COL4A4: variants seen among roughly 807,000 people sequenced by gnomAD.
The protein encoded by COL4A4 is collagen type IV alpha 4 chain.
In COL4A4, 105 loss-of-function variants were observed where a neutral mutation model predicts 192.9. The ratio of observed to expected loss-of-function variants is 0.54; its 90% confidence interval spans 0.46 to 0.64. The LOEUF (loss-of-function observed/expected upper bound fraction) is 0.64. Ranked by LOEUF, COL4A4 falls within the 30% of genes least tolerant of loss-of-function variation. COL4A4 has a pLI of 0.00. For synonymous variants in COL4A4, 762 were observed against 769.9 expected (o/e 0.99, Z 0.17); for missense variants, 1,967 against 2,169.3 (o/e 0.91, Z 1.85).
chr2:227,136,248 A>T (rs1314828909), intron 4 of COL4A4, among the ~76,000 whole-genome samples: 1 of 152,148 alleles, frequency 6.6e-6, no homozygotes, highest in Non-Finnish European at 1.5e-5. Context: ...AGAAGCAGGT[A>T]AGCAGCTTGC....
At chr2:227,067,875 G>A (rs1346307345) in intron 25 of COL4A4, among the ~76,000 whole-genome samples, 4 of 144,574 alleles carry the variant, frequency 2.8e-5, no homozygotes, top group Non-Finnish European at 4.5e-5. Context: ...ATCAGAGCAG[G>A]ACTGAAAGAA....
chr2:227,054,466 C>T (rs1974864014), intron 31 of COL4A4, 128 bp downstream of exon 31: 3 of 1,019,956 alleles, frequency 2.9e-6, no homozygotes, highest in Non-Finnish European at 4.5e-6. Flanking sequence ...AAAACAAATA[C>T]CATAGAACTA....
chr2:227,043,907 A>G (rs1559483576), intron 35 of COL4A4, among the ~76,000 whole-genome samples: 2 of 152,148 alleles, frequency 1.3e-5, no homozygotes, highest in Non-Finnish European at 1.5e-5. Context: ...AATCCCCCCA[A>G]TTATCCCCTT....
At chr2:227,010,854 G>A (rs1963533875) in intron 45 of COL4A4, among the ~76,000 whole-genome samples, 1 of 152,164 alleles carries the variant, frequency 6.6e-6, no homozygotes, top group Admixed American at 6.5e-5. Context: ...ACGCTGGGAA[G>A]AAAAGAACAA....
chr2:227,154,244 T>G (rs60896354), intron 1 of COL4A4, among the ~76,000 whole-genome samples: 18,326 of 152,240 alleles, frequency 0.12, 2,932 homozygotes, highest in African/African-American at 0.37. Context: ...CCCCTGGGAC[T>G]TCTTATGAGT....
At chr2:227,111,274 C>G (rs2061191104) in intron 9 of COL4A4, among the ~76,000 whole-genome samples, 1 of 152,072 alleles carries the variant, frequency 6.6e-6, no homozygotes, top group African/African-American at 2.4e-5. Context: ...ACTGATTCAC[C>G]AGGCAAAATG....
intron 43 of COL4A4, among the ~76,000 whole-genome samples, chr2:227,023,921 G>A (rs571525938): frequency 3.3e-5 from 5 of 151,864 alleles, no homozygotes; most frequent in East Asian, 1.9e-4. Context: ...GAGGAGAATC[G>A]CTTGAACCCG....
chr2:227,149,886 G>A (rs12468501), intron 1 of COL4A4, among the ~76,000 whole-genome samples: 25,561 of 152,144 alleles, frequency 0.17, 2,677 homozygotes, highest in South Asian at 0.3. Flanking sequence ...CAGACAGACG[G>A]ATGGATGGGC....
At chr2:227,069,269 T>C (rs1472387561) in intron 25 of COL4A4, among the ~76,000 whole-genome samples, 2 of 151,572 alleles carry the variant, frequency 1.3e-5, no homozygotes, top group Non-Finnish European at 2.9e-5. Context: ...GAAGAATCAA[T>C]ATCGTGAAAA....
chr2:227,121,039 C>G lies in COL4A4; in HGVS notation c.302G>C (p.Gly101Ala). 1 of 1,614,108 alleles carries G rather than the reference C, an allele frequency of 6.2e-7. No individual in the cohort carries two copies. The highest frequency in any genetic ancestry group is 8.5e-7 in the Non-Finnish European group (1 of 1,180,018). The change falls in exon 5 of 48, where the codon GGA (glycine) becomes GCA (alanine). Residue 101 changes from glycine to alanine, a missense_variant. By Grantham distance (60) the Gly-to-Ala change is moderately conservative. Transcript: ENST00000396625. ...KGMRGDRGPP[G>A]AAGDKGDKGP... is the part of the protein sequence containing the mutation. Reference sequence around the variant, plus strand: ...CTTATCTCCTTTGTCCCCTGCTGCTCCAGGAGGGCCGCGGTCCCCTCTCAT... The same window carrying G: ...CTTATCTCCTTTGTCCCCTGCTGCTGCAGGAGGGCCGCGGTCCCCTCTCAT...
chr2:227,124,011 G>C (rs1269140896), intron 4 of COL4A4, among the ~76,000 whole-genome samples: 2 of 152,114 alleles, frequency 1.3e-5, no homozygotes, highest in African/African-American at 2.4e-5. Context: ...GCATGTAATG[G>C]TGTTTAGCAT....
intron 8 of COL4A4, among the ~76,000 whole-genome samples, chr2:227,111,965 CTT>C (rs1410101188): frequency 6.6e-6 from 1 of 152,120 alleles, no homozygotes; most frequent in Non-Finnish European, 1.5e-5. Flanking sequence ...GAGATTTTTT[CTT>C]TGTTTAAATT....
At chr2:227,160,867 A>T (rs1315925926) in intron 1 of COL4A4, among the ~76,000 whole-genome samples, 1 of 152,208 alleles carries the variant, frequency 6.6e-6, no homozygotes, top group African/African-American at 2.4e-5. Flanking sequence ...AAATGATATG[A>T]GTTGGTAATC....
At chr2:227,084,778 A>G (rs530958166) in intron 22 of COL4A4, among the ~76,000 whole-genome samples, 2 of 152,246 alleles carry the variant, frequency 1.3e-5, no homozygotes, top group African/African-American at 4.8e-5. Flanking sequence ...TTACAATCTT[A>G]AGACCTGAGA....
At chr2:226,987,806 C>G in the COL4A4 span, among the ~76,000 whole-genome samples, 1 of 152,282 alleles carries the variant, frequency 6.6e-6, no homozygotes, top group Middle Eastern at 3.4e-3. Context: ...TCTGGGTGCT[C>G]GTTAAAATGA....
chr2:227,031,378 ACT>A (rs1209615242), intron 40 of COL4A4, among the ~76,000 whole-genome samples: 2 of 152,018 alleles, frequency 1.3e-5, no homozygotes, highest in Non-Finnish European at 2.9e-5. Context: ...ACGGAGCCAC[ACT>A]CTTCTCCCAA....
chr2:226,981,097 C>CT, the COL4A4 span, among the ~76,000 whole-genome samples: 1 of 152,134 alleles, frequency 6.6e-6, no homozygotes, highest in Non-Finnish European at 1.5e-5. Context: ...TTCCATCACT[C>CT]TGAGTAAACT....
At chr2:227,117,764 C>T (rs1211213360) in intron 7 of COL4A4, among the ~76,000 whole-genome samples, 1 of 151,216 alleles carries the variant, frequency 6.6e-6, no homozygotes, top group Non-Finnish European at 1.5e-5. Flanking sequence ...GCTCTTGCTC[C>T]AGTTATGTTT....
At chr2:227,148,464 T>C in intron 1 of COL4A4, among the ~76,000 whole-genome samples, 1 of 152,202 alleles carries the variant, frequency 6.6e-6, no homozygotes, top group East Asian at 1.9e-4. Flanking sequence ...GATAGGCAAT[T>C]GATTAATAGT....
Sources: allele counts gnomAD v4.1 joint callset (sites outside exome capture counted in the v4.1 genomes callset), GRCh38; gene constraint gnomAD v4.1.1; transcripts MANE v1.5; gene names NCBI Gene and HGNC (gene_info 2026-07-23, HGNC 2026-07-21).